Variants in KPNA1 observed in about 807,000 individuals in gnomAD.
KPNA1 encodes the protein karyopherin subunit alpha 1.
A neutral mutation model predicts 70.5 loss-of-function variants in KPNA1; 10 were observed. The ratio of observed to expected loss-of-function variants is 0.14; its 90% confidence interval spans 0.09 to 0.24. The LOEUF (loss-of-function observed/expected upper bound fraction) is 0.24. Ranked by LOEUF, KPNA1 falls within the 10% of genes least tolerant of loss-of-function variation. KPNA1 has a pLI of 1.00. For missense variants in KPNA1, 397 were observed against 637.9 expected (o/e 0.62, Z 4.07); for synonymous variants, 192 against 221.9 (o/e 0.87, Z 1.20).
intron 1 of KPNA1, among the ~76,000 whole-genome samples, chr3:122,510,471 TAAGAG>T (rs2076942924): frequency 6.6e-6 from 1 of 152,146 alleles, no homozygotes; most frequent in East Asian, 1.9e-4. Flanking sequence ...AAAAATTTAT[TAAGAG>T]AAGAAATGAT....
At chr3:122,492,312 C>T (rs1440088408) in intron 2 of KPNA1, among the ~76,000 whole-genome samples, 1 of 152,100 alleles carries the variant, frequency 6.6e-6, no homozygotes, top group Non-Finnish European at 1.5e-5. Flanking sequence ...GTGAGAAGAT[C>T]TTGGTTCTAC....
In KPNA1 at chr3:122,508,616, G is replaced by T. The variant is rs75112172; in HGVS notation, c.-6+6141C>A. ...TAAAATGAGTTCTCAAAACATGGCA[G>T]CCAGACACACATTCTCCTGGCAAGA... On this transcript the variant is annotated intron_variant, in intron 1 of 13. Transcript: ENST00000344337. 6.7e-3 allele frequency among the ~76,000 whole-genome samples: 1,015 copies of T among 152,210 alleles called. 5 individuals are homozygous for T. Among genetic ancestry groups the T allele is most frequent in the African/African-American group, 0.023 (972 of 41,516 alleles).
chr3:122,464,094 G>A, intron 3 of KPNA1, 53 bp from the exon 4 acceptor site: 1 of 958,188 alleles, frequency 1.0e-6, no homozygotes, highest in Admixed American at 2.4e-5. Context: ...TTAATTCAAA[G>A]GAAAGAAAGA....
intron 1 of KPNA1, 85 bp from the exon 2 acceptor site, chr3:122,496,655 T>G (rs975914970): frequency 1.6e-6 from 2 of 1,225,144 alleles, no homozygotes; most frequent in Admixed American, 4.1e-5. Context: ...AACATATACA[T>G]GCCCAGACAT....
At chr3:122,459,749 C>T (rs760352633) in intron 5 of KPNA1, 96 of 985,306 alleles carry the variant, frequency 9.7e-5, no homozygotes, top group Non-Finnish European at 1.1e-4. Flanking sequence ...AGAAGAAAAA[C>T]TGATGTGACA....
chr3:122,453,816 G>C (rs190744382), intron 6 of KPNA1, 54 bp downstream of exon 6: 39 of 1,555,800 alleles, frequency 2.5e-5, no homozygotes, highest in Non-Finnish European at 3.2e-5. Context: ...AGGAGTGAGC[G>C]ACATGCCCAG....
intron 2 of KPNA1, among the ~76,000 whole-genome samples, chr3:122,488,049 AAACT>A (rs1394443228): frequency 4.6e-5 from 7 of 152,216 alleles, no homozygotes; most frequent in Admixed American, 3.3e-4. Context: ...TAATATTAAA[AAACT>A]AACTTTTTAA....
chr3:122,474,770 C>T (rs1212180115), intron 2 of KPNA1, among the ~76,000 whole-genome samples: 2 of 152,114 alleles, frequency 1.3e-5, no homozygotes, highest in Admixed American at 1.3e-4. Context: ...CTATGATCAT[C>T]TCAATAGATG....
At chr3:122,480,948 C>CA (rs2076564383) in intron 2 of KPNA1, among the ~76,000 whole-genome samples, 1 of 152,140 alleles carries the variant, frequency 6.6e-6, no homozygotes, top group Non-Finnish European at 1.5e-5. Flanking sequence ...ATAATGGCAC[C>CA]ACTGCACTCC....
chr3:122,471,945 T>C (rs1048025180), intron 2 of KPNA1, among the ~76,000 whole-genome samples: 17 of 152,218 alleles, frequency 1.1e-4, no homozygotes, highest in African/African-American at 4.1e-4. Flanking sequence ...AGTGTCTGTG[T>C]AGGCAAAAAC....
At chr3:122,448,138 T>C (rs1368189881) in intron 9 of KPNA1, among the ~76,000 whole-genome samples, 1 of 152,188 alleles carries the variant, frequency 6.6e-6, no homozygotes, top group East Asian at 1.9e-4. Flanking sequence ...GGAACACTCT[T>C]ACATTGTTGG....
At chr3:122,440,792 AG>A (rs1308361961) in intron 10 of KPNA1, among the ~76,000 whole-genome samples, 2 of 152,210 alleles carry the variant, frequency 1.3e-5, no homozygotes, top group African/African-American at 4.8e-5. Flanking sequence ...GTTGGAGGAG[AG>A]GAAAGAATCA....
At chr3:122,482,023 G>T (rs1459897155) in intron 2 of KPNA1, among the ~76,000 whole-genome samples, 1 of 152,172 alleles carries the variant, frequency 6.6e-6, no homozygotes, top group East Asian at 1.9e-4. Flanking sequence ...AAAAGAGAGA[G>T]AACTTCCTTA....
chr3:122,463,905 G>C, intron 4 of KPNA1, 37 bp downstream of exon 4: 1 of 1,129,226 alleles, frequency 8.9e-7, no homozygotes, highest in Non-Finnish European at 1.3e-6. Flanking sequence ...ATTTTGTAGA[G>C]AGATGAAAAA....
intron 1 of KPNA1, among the ~76,000 whole-genome samples, chr3:122,503,628 A>T (rs971773864): frequency 3.3e-5 from 5 of 152,210 alleles, no homozygotes; most frequent in African/African-American, 1.2e-4. Flanking sequence ...AGAACATGTA[A>T]AAGCATACTT....
intron 1 of KPNA1, among the ~76,000 whole-genome samples, chr3:122,507,216 G>A (rs751309057): frequency 9.2e-5 from 14 of 152,114 alleles, no homozygotes; most frequent in African/African-American, 3.1e-4. Context: ...CAAGGCGGGC[G>A]GATCACCAGA....
intron 2 of KPNA1, among the ~76,000 whole-genome samples, chr3:122,493,743 A>G (rs2076726775): frequency 6.6e-6 from 1 of 152,076 alleles, no homozygotes; most frequent in Admixed American, 6.5e-5. Flanking sequence ...CTATCACCAC[A>G]CTGGCTAAAT....
rs2075793577 is a variant in KPNA1 at position 122,424,293 on chromosome 3, T to C, written c.*2692A>G. The C allele has an allele frequency of 6.6e-6, 1 of 152,222 alleles. No individual in the cohort carries two copies. The highest frequency in any genetic ancestry group is 2.1e-4 in the South Asian group (1 of 4,838). 9.4% of individuals were successfully genotyped at this position (152,222 alleles called of 1,614,324 possible). A position where few individuals can be genotyped will look rare whatever the true frequency, so the allele number is the denominator to read the frequency against. ...AACGCCTTAGTGGTAGGGTATTCAG[T>C]GAATTTAAACTAAGTTAACAGAATC... is the stretch of plus-strand genomic sequence containing the variant. On this transcript the variant is annotated 3_prime_UTR_variant, in exon 14 of 14. Coordinates refer to ENST00000344337, the MANE Select transcript of KPNA1 (RefSeq NM_002264.4).
intron 2 of KPNA1, among the ~76,000 whole-genome samples, chr3:122,493,274 T>C (rs1045108671): frequency 6.6e-6 from 1 of 151,026 alleles, no homozygotes; most frequent in African/African-American, 2.4e-5. Context: ...CAATGAGACA[T>C]ACAGATTAAA....
Sources: gnomAD v4.1 joint callset for allele counts (sites outside exome capture counted in the v4.1 genomes callset) on GRCh38, gnomAD v4.1.1 for gene constraint, MANE v1.5 for transcripts, NCBI Gene and HGNC (gene_info 2026-07-23, HGNC 2026-07-21) for gene names.